The following IFT122 variants were observed in gnomAD, a reference collection of about 807,000 sequenced individuals.
IFT122 encodes the protein intraflagellar transport 122, also known as intraflagellar transport protein 122 homolog.
A neutral mutation model predicts 161.6 loss-of-function variants in IFT122; 118 were observed. That is an observed-to-expected ratio of 0.73 (90% CI 0.63 to 0.85). IFT122 has a LOEUF of 0.85. Among genes scored for constraint, IFT122 ranks in the 40% least tolerant of loss-of-function variants. The probability of loss-of-function intolerance (pLI) is 0.00; values close to 1 mark genes in which losing one functional copy is unlikely to be tolerated. For synonymous variants in IFT122, 550 were observed against 602.4 expected, an observed-to-expected ratio of 0.91 and a Z score of 1.27; for missense variants, 1,381 against 1,579.6, an observed-to-expected ratio of 0.87 and a Z score of 2.13.
At chr3:129,454,010 A>C (rs1314337910) in intron 3 of IFT122, among the ~76,000 whole-genome samples, 2 of 152,308 alleles carry the variant, frequency 1.3e-5, no homozygotes, top group East Asian at 3.9e-4. Context: ...AAGAAGTCAC[A>C]AAATTGTAAT....
chr3:129,511,558 A>G (rs2082829968), intron 23 of IFT122, among the ~76,000 whole-genome samples: 1 of 152,220 alleles, frequency 6.6e-6, no homozygotes, highest in African/African-American at 2.4e-5. Flanking sequence ...CAGTTTATAT[A>G]CAGTGTGCCA....
chr3:129,491,280 A>G (rs1023737327), intron 16 of IFT122, among the ~76,000 whole-genome samples: 9 of 152,196 alleles, frequency 5.9e-5, no homozygotes, highest in Non-Finnish European at 1.0e-4. Flanking sequence ...TGTTCAGTTC[A>G]AAGGGCTCTG....
chr3:129,480,719 C>T (rs1363552227), intron 13 of IFT122, among the ~76,000 whole-genome samples: 3 of 152,144 alleles, frequency 2.0e-5, no homozygotes, highest in South Asian at 4.1e-4. Context: ...GGCCGGAGGT[C>T]GTGTTCTTAC....
chr3:129,443,616 G>C (rs2073565607), intron 1 of IFT122, among the ~76,000 whole-genome samples: 1 of 152,154 alleles, frequency 6.6e-6, no homozygotes, highest in Non-Finnish European at 1.5e-5. Flanking sequence ...ATGCACTGTG[G>C]GTCCACAAAT....
chr3:129,489,782 TGAGCCGAGATGGTGC>T (rs1372033875), intron 16 of IFT122, among the ~76,000 whole-genome samples: 50 of 146,876 alleles, frequency 3.4e-4, no homozygotes, highest in African/African-American at 1.2e-3. Flanking sequence ...GAGCGTGCAG[TGAGCCGAGATGGTGC>T]CACTGCACTC....
rs1577367419 is a variant in IFT122 at position 129,461,297 on chromosome 3, T to TCCA, written c.342_343insCCA (p.Ser114_Asp115insPro). On this transcript the variant is annotated inframe_insertion, in exon 5 of 30. Coordinates refer to ENST00000348417, the MANE Select transcript of IFT122 (RefSeq NM_052989.3). ...ATCAACTGGCATCTTGTTCCTCCAGTGACTTTGGTACGTTCTGATTCCTGA... is the reference window on the plus strand; with the variant it reads ...ATCAACTGGCATCTTGTTCCTCCAGTCCAGACTTTGGTACGTTCTGATTCCTGA... 1 of 1,611,518 alleles carries TCCA rather than the reference T, an allele frequency of 6.2e-7. No individual in the cohort carries two copies. Among genetic ancestry groups the TCCA allele is most frequent in the East Asian group, 2.2e-5 (1 of 44,872 alleles).
At chr3:129,498,703 C>G (rs6795952) in intron 18 of IFT122, among the ~76,000 whole-genome samples, 11,479 of 152,226 alleles carry the variant, frequency 0.075, 552 homozygotes, top group East Asian at 0.15. Flanking sequence ...ATTGACTGTA[C>G]TTTTCTGACA....
intron 26 of IFT122, among the ~76,000 whole-genome samples, 184 bp from the exon 27 acceptor site, chr3:129,517,285 C>T (rs1413853304): frequency 6.7e-6 from 1 of 150,106 alleles, no homozygotes; most frequent in Non-Finnish European, 1.5e-5. Flanking sequence ...CACACACACA[C>T]ACACACACAC....
At position 129,488,575 on chromosome 3, in the gene IFT122, CT is replaced by C. The variant is rs374868814; in HGVS notation, c.1992+179del. ...TGGGCCTGGGTAGGTGACACCCTTTCTAAGATTGCTTCTCTATAGACGTAGG... is the reference window on the plus strand; with the variant it reads ...TGGGCCTGGGTAGGTGACACCCTTTCAAGATTGCTTCTCTATAGACGTAGG... On this transcript the variant is annotated intron_variant, in intron 16 of 29. Transcript: ENST00000348417. Among the ~76,000 whole-genome samples, 577 of 152,170 alleles carry C rather than the reference CT, an allele frequency of 3.8e-3. 4 individuals carry two copies. The highest frequency in any genetic ancestry group is 4.6e-3 in the Non-Finnish European group (312 of 68,002).
At position 129,481,685 on chromosome 3, in the gene IFT122, G is replaced by A; in HGVS notation, c.1644G>A (p.Leu548=). ...CLVYDIDTKE[L]LFQEPNANSV... is the part of the protein sequence containing the mutation. ...TGTATGACATCGACACCAAGGAGCT[G>A]CTTTTTCAGGTGAAGTCCCTGAGGG... is the stretch of plus-strand genomic sequence containing the variant. Residue 548 remains leucine (L), a synonymous_variant, in exon 14 of 30, where the codon CTG becomes CTA. Transcript: ENST00000348417. 6.2e-7 allele frequency: 1 copy of A among 1,614,036 alleles called. No homozygotes were observed. Among genetic ancestry groups the A allele is most frequent in the East Asian group, 2.2e-5 (1 of 44,874 alleles).
Position 129,514,530 on chromosome 3 carries a change from C to T in IFT122, c.3129C>T (p.Arg1043=), listed in dbSNP as rs76881473. The T allele has an allele frequency of 3.4e-3, 5,415 of 1,614,226 alleles. 15 individuals carry two copies. The highest frequency in any genetic ancestry group is 4.3e-3 in the Middle Eastern group (26 of 6,062). ...KSIELGTLTI[R]AKPFHDSEEL... is the part of the protein sequence containing the mutation. ...TTGAGCTGGGTACCCTGACCATCCG[C>T]GCCAAGCCCTTCCACGACAGTGAGG... Residue 1043 remains arginine, a synonymous_variant, in exon 25 of 30, where the codon CGC becomes CGT. Coordinates refer to ENST00000348417, the MANE Select transcript of IFT122 (RefSeq NM_052989.3).
At chr3:129,455,531 T>G (rs753571457) in intron 3 of IFT122, among the ~76,000 whole-genome samples, 15 of 152,296 alleles carry the variant, frequency 9.8e-5, no homozygotes, top group Non-Finnish European at 1.8e-4. Context: ...CATAGTTTTT[T>G]TGTTCAAGAA....
intron 5 of IFT122, among the ~76,000 whole-genome samples, chr3:129,462,176 CAT>C (rs2076276055): frequency 6.6e-6 from 1 of 152,186 alleles, no homozygotes. Context: ...ATTTGTTTAA[CAT>C]ATTTTATAGC....
chr3:129,449,967 G>A, intron 2 of IFT122, 30 bp downstream of exon 2: 6 of 1,460,876 alleles, frequency 4.1e-6, no homozygotes, highest in East Asian at 4.5e-5. Flanking sequence ...TCCTCTTAAA[G>A]TGCTTCCCTA....
chr3:129,517,685 C>T (rs1475356391), intron 27 of IFT122, 91 bp downstream of exon 27: 23 of 1,511,268 alleles, frequency 1.5e-5, no homozygotes, highest in East Asian at 2.4e-5. Flanking sequence ...CCCAGGGGAT[C>T]GCGGGCCATG....
chr3:129,449,174 G>A (rs1577200155), intron 1 of IFT122, among the ~76,000 whole-genome samples: 1 of 152,072 alleles, frequency 6.6e-6, no homozygotes, highest in African/African-American at 2.4e-5. Context: ...TTCCTCCTTC[G>A]AATCCTGTTT....
intron 21 of IFT122, 27 bp downstream of exon 21, chr3:129,504,448 A>C (rs770709240): frequency 3.8e-6 from 6 of 1,574,080 alleles, no homozygotes; most frequent in Non-Finnish European, 5.2e-6. Context: ...GTCACCTTCT[A>C]GAAGGAGCAG....
chr3:129,444,144 T>C (rs534999453), intron 1 of IFT122, among the ~76,000 whole-genome samples: 1 of 152,340 alleles, frequency 6.6e-6, no homozygotes, highest in African/African-American at 2.4e-5. Context: ...CCTTGTTTTG[T>C]AGGTGAGAAT....
At chr3:129,501,228 G>A (rs556317075) in intron 19 of IFT122, among the ~76,000 whole-genome samples, 169 of 152,212 alleles carry the variant, frequency 1.1e-3, no homozygotes, top group African/African-American at 4.0e-3. Flanking sequence ...ATGCTGCTGC[G>A]GTAGGCAAAG....
Sources: gnomAD v4.1 joint callset for allele counts (sites outside exome capture counted in the v4.1 genomes callset) on GRCh38, gnomAD v4.1.1 for gene constraint, MANE v1.5 for transcripts, NCBI Gene and HGNC (gene_info 2026-07-23, HGNC 2026-07-21) for gene names.